TRPM3: variants seen among roughly 807,000 people sequenced by gnomAD.
The protein encoded by TRPM3 is long transient receptor potential channel 3.
TRPM3 carries 77 observed loss-of-function variants against 181.2 expected under a neutral mutation model. The ratio of observed to expected loss-of-function variants is 0.42; its 90% CI spans 0.35 to 0.51. The LOEUF (loss-of-function observed/expected upper bound fraction) is 0.51. TRPM3 is among the 20% of genes least tolerant of loss of function. The probability of loss-of-function intolerance (pLI) is 0.01; values close to 1 mark genes in which losing one functional copy is unlikely to be tolerated. For synonymous variants in TRPM3, 745 were observed against 796.4 expected (o/e 0.94, Z 1.09); for missense variants, 1,759 against 2,196.7 (o/e 0.80, Z 3.98).
At chr9:71,040,588 G>A (rs2058707843) in intron 1 of TRPM3, among the ~76,000 whole-genome samples, 1 of 152,138 alleles carries the variant, frequency 6.6e-6, no homozygotes, top group African/African-American at 2.4e-5. Flanking sequence ...CAACCATCAT[G>A]GTTATAATTG....
intron 1 of TRPM3, among the ~76,000 whole-genome samples, chr9:71,165,098 T>A (rs2076474005): frequency 6.6e-6 from 1 of 152,150 alleles, no homozygotes; most frequent in Non-Finnish European, 1.5e-5. Context: ...ACAATCAGTA[T>A]AGACCAGCCC....
intron 25 of TRPM3, among the ~76,000 whole-genome samples, chr9:70,540,373 G>C (rs1414769737): frequency 1.3e-5 from 2 of 152,164 alleles, no homozygotes; most frequent in Non-Finnish European, 2.9e-5. Context: ...TTGTTGTTTT[G>C]ACCTAACCGT....
intron 6 of TRPM3, among the ~76,000 whole-genome samples, chr9:70,803,963 A>G (rs2090005572): frequency 6.6e-6 from 1 of 151,938 alleles, no homozygotes; most frequent in Non-Finnish European, 1.5e-5. Flanking sequence ...ACTCCCCATC[A>G]ATTTACCTTC....
chr9:71,000,244 G>A (rs1358834612), intron 1 of TRPM3, among the ~76,000 whole-genome samples: 1 of 152,172 alleles, frequency 6.6e-6, no homozygotes, highest in Non-Finnish European at 1.5e-5. Context: ...CTAAAATCAA[G>A]TCAAATGGAA....
At chr9:70,593,871 T>C (rs1639356834) in intron 21 of TRPM3, among the ~76,000 whole-genome samples, 1 of 147,708 alleles carries the variant, frequency 6.8e-6, no homozygotes, top group African/African-American at 2.5e-5. Flanking sequence ...TTATATATAA[T>C]GTAATATATA....
chr9:71,156,283 T>C (rs1443079968), intron 1 of TRPM3, among the ~76,000 whole-genome samples: 1 of 151,540 alleles, frequency 6.6e-6, no homozygotes, highest in Non-Finnish European at 1.5e-5. Context: ...GGGCACGTCA[T>C]TAAATTCTTT....
intron 1 of TRPM3, among the ~76,000 whole-genome samples, chr9:71,432,984 T>C (rs1292963589): frequency 1.3e-5 from 2 of 152,218 alleles, no homozygotes; most frequent in Non-Finnish European, 2.9e-5. Flanking sequence ...TAATAATATA[T>C]AGTATAACTA....
chr9:71,200,791 G>C (rs1344572451), intron 1 of TRPM3, among the ~76,000 whole-genome samples: 1 of 152,074 alleles, frequency 6.6e-6, no homozygotes, highest in African/African-American at 2.4e-5. Flanking sequence ...TGGGTTACCT[G>C]AATACAGCAC....
At chr9:70,902,859 C>T (rs1006944652) in intron 1 of TRPM3, among the ~76,000 whole-genome samples, 11 of 152,086 alleles carry the variant, frequency 7.2e-5, no homozygotes, top group South Asian at 2.1e-4. Context: ...AGCCACAGAA[C>T]GTATCTTAAG....
At chr9:70,805,235 G>A (rs1384993489) in intron 6 of TRPM3, among the ~76,000 whole-genome samples, 1 of 150,972 alleles carries the variant, frequency 6.6e-6, no homozygotes, top group African/African-American at 2.4e-5. Context: ...TGGGGGAGGT[G>A]GTGGTGGGGG....
intron 1 of TRPM3, among the ~76,000 whole-genome samples, chr9:71,293,726 A>C (rs2086020573): frequency 6.6e-6 from 1 of 152,006 alleles, no homozygotes; most frequent in Non-Finnish European, 1.5e-5. Flanking sequence ...GAATAATTCC[A>C]AATATTTTCA....
intron 1 of TRPM3, among the ~76,000 whole-genome samples, chr9:71,313,665 T>C (rs2088237492): frequency 6.6e-6 from 1 of 152,142 alleles, no homozygotes; most frequent in African/African-American, 2.4e-5. Flanking sequence ...TTACTGTTAT[T>C]TCCTTATTTC....
intron 1 of TRPM3, among the ~76,000 whole-genome samples, chr9:71,096,263 T>G (rs1225898189): frequency 4.0e-5 from 6 of 149,096 alleles, no homozygotes; most frequent in Non-Finnish European, 8.9e-5. Flanking sequence ...GTCCCTCTTA[T>G]TTCAATCAAT....
At chr9:71,115,571 G>A (rs1400637053) in intron 1 of TRPM3, among the ~76,000 whole-genome samples, 3 of 152,182 alleles carry the variant, frequency 2.0e-5, no homozygotes, top group African/African-American at 7.2e-5. Context: ...GGAGGGTGTG[G>A]AACCGCTGCT....
At chr9:71,443,236 T>C (rs2094157671) in intron 1 of TRPM3, among the ~76,000 whole-genome samples, 1 of 152,084 alleles carries the variant, frequency 6.6e-6, no homozygotes, top group South Asian at 2.1e-4. Context: ...TGTAGATTAA[T>C]GGATTATAGC....
chr9:70,618,035 A>AAAAC (rs1392023588), intron 17 of TRPM3, among the ~76,000 whole-genome samples: 1 of 152,184 alleles, frequency 6.6e-6, no homozygotes, highest in Non-Finnish European at 1.5e-5. Context: ...ACCTTAAATT[A>AAAAC]AAACAAACAA....
intron 1 of TRPM3, among the ~76,000 whole-genome samples, chr9:71,006,440 C>G (rs1193917059): frequency 1.1e-4 from 17 of 151,816 alleles, no homozygotes; most frequent in Non-Finnish European, 2.4e-4. Flanking sequence ...TATATGTTAT[C>G]TAAGAAAAAC....
intron 1 of TRPM3, among the ~76,000 whole-genome samples, chr9:71,097,280 T>C (rs1197913827): frequency 6.6e-6 from 1 of 152,104 alleles, no homozygotes; most frequent in African/African-American, 2.4e-5. Flanking sequence ...TATTAGGATA[T>C]ACAGTACATG....
At position 70,535,713 on chromosome 9, in the gene TRPM3, C is replaced by T; in HGVS notation, c.*240G>A. ...AACCCTTCCTTCTCCCTCTCTTCCCCCTCCCTGCCCAGCAAGTGTGAACAT... is the reference window on the plus strand; with the variant it reads ...AACCCTTCCTTCTCCCTCTCTTCCCTCTCCCTGCCCAGCAAGTGTGAACAT... On this transcript the variant is annotated 3_prime_UTR_variant, in exon 26 of 26. Transcript: ENST00000677713. 1.4e-6 allele frequency: 2 copies of T among 1,435,524 alleles called. No individual in the cohort carries two copies. The highest frequency in any genetic ancestry group is 1.8e-6 in the Non-Finnish European group (2 of 1,101,530). The allele number at this position is 1,435,524 out of a possible 1,614,324, so 88.9% of individuals were successfully genotyped here.
Sources: gnomAD v4.1 joint callset for allele counts (sites outside exome capture counted in the v4.1 genomes callset) on GRCh38, gnomAD v4.1.1 for gene constraint, MANE v1.5 for transcripts, NCBI Gene and HGNC (gene_info 2026-07-23, HGNC 2026-07-21) for gene names.